Variants in PARM1 observed in about 807,000 individuals in gnomAD.
The protein encoded by PARM1 is prostate androgen-regulated mucin-like protein 1, also known as WSC4, cell wall integrity and stress response component 4 homolog.
Under a neutral mutation model 24.6 loss-of-function variants are expected in PARM1, and 14 were observed. That is an observed-to-expected ratio of 0.57 (90% confidence interval 0.38 to 0.89). The LOEUF (loss-of-function observed/expected upper bound fraction) is 0.89. Ranked by LOEUF, PARM1 falls within the 40% of genes least tolerant of loss-of-function variation. PARM1 has a pLI of 0.00. For synonymous variants in PARM1, 179 were observed against 156.6 expected (o/e 1.14, Z -1.07); for missense variants, 362 against 380.4 (o/e 0.95, Z 0.40).
chr4:75,036,765 A>C (rs1345124727), intron 3 of PARM1, among the ~76,000 whole-genome samples: 3 of 152,224 alleles, frequency 2.0e-5, no homozygotes, highest in Non-Finnish European at 2.9e-5. Flanking sequence ...CAGATAAATT[A>C]AGTAAATGAT....
chr4:74,980,563 A>G (rs1304707383), intron 1 of PARM1, among the ~76,000 whole-genome samples: 1 of 152,222 alleles, frequency 6.6e-6, no homozygotes, highest in Non-Finnish European at 1.5e-5. Flanking sequence ...ATTCAATGCT[A>G]TTCCCATTAA....
intron 2 of PARM1, among the ~76,000 whole-genome samples, chr4:75,025,705 TGCAAGTATTTTATTATCTCAACCAAGA>T: frequency 6.6e-6 from 1 of 152,192 alleles, no homozygotes; most frequent in South Asian, 2.1e-4. Flanking sequence ...CTTGCGCAAG[TGCAAGTATTTTATTATCTCAACCAAGA>T]TTAATATTTC....
Position 75,012,617 on chromosome 4 carries a change from A to G in PARM1, c.236A>G (p.Lys79Arg). 6.2e-7 allele frequency: 1 copy of G among 1,614,000 alleles called. No individual in the cohort carries two copies. Residue 79 changes from lysine to arginine, a missense_variant, in exon 2 of 4, where the codon AAG becomes AGG. By Grantham distance (26) the Lys-to-Arg change is conservative (BLOSUM62 2). Coordinates refer to ENST00000307428, the MANE Select transcript of PARM1 (RefSeq NM_015393.4). ...TCAGCCCCAACATCTCTGCTTCCTA[A>G]GAACATTTCCATAGAGTCCAGAGAA... ...TASAPTSLLP[K>R]NISIESREEE...
intron 1 of PARM1, among the ~76,000 whole-genome samples, chr4:74,940,658 C>A (rs1453609790): frequency 6.6e-6 from 1 of 152,108 alleles, no homozygotes; most frequent in Non-Finnish European, 1.5e-5. Context: ...AGCACAATCC[C>A]ACAGATAGAC....
At chr4:75,045,387 A>T (rs1023691239) in intron 3 of PARM1, among the ~76,000 whole-genome samples, 1 of 152,236 alleles carries the variant, frequency 6.6e-6, no homozygotes, top group Non-Finnish European at 1.5e-5. Flanking sequence ...TTTTGAACAG[A>T]GGAGTGATAA....
chr4:75,010,589 G>A (rs957781778), intron 1 of PARM1, among the ~76,000 whole-genome samples: 12 of 152,158 alleles, frequency 7.9e-5, no homozygotes, highest in African/African-American at 2.9e-4. Flanking sequence ...AATTAGTTAA[G>A]GCTTGTCTGG....
rs1258214263 is a variant in PARM1, at chr4:75,012,509, C to T, written c.128C>T (p.Thr43Ile). Residue 43 changes from threonine to isoleucine, a missense_variant, in exon 2 of 4, where the codon ACT becomes ATT. Thr to Ile is a moderately conservative substitution (Grantham distance 89, BLOSUM62 -1). Coordinates refer to ENST00000307428, the MANE Select transcript of PARM1 (RefSeq NM_015393.4). ...TNIVPPTTIW[T>I]SSPQNTDADT... ...ATTGTACCACCGACCACCATCTGGACTAGCTCTCCACAAAACACTGATGCA... is the reference window on the plus strand; with the variant it reads ...ATTGTACCACCGACCACCATCTGGATTAGCTCTCCACAAAACACTGATGCA... The T allele has an allele frequency of 6.2e-7, 1 of 1,613,862 alleles. No homozygotes were observed. The highest frequency in any genetic ancestry group is 8.5e-7 in the Non-Finnish European group (1 of 1,179,902).
chr4:75,019,854 T>C (rs1723055273), intron 2 of PARM1, among the ~76,000 whole-genome samples: 1 of 149,712 alleles, frequency 6.7e-6, no homozygotes, highest in Admixed American at 6.6e-5. Context: ...ATACAAAAAA[T>C]TAGCCGGGCG....
intron 3 of PARM1, among the ~76,000 whole-genome samples, chr4:75,038,003 A>T (rs907035524): frequency 4.6e-5 from 7 of 151,514 alleles, no homozygotes; most frequent in African/African-American, 1.7e-4. Context: ...TGCAACCTCC[A>T]CCTCCCGGGT....
rs1031798424 is a variant in PARM1 at position 75,046,273 on chromosome 4, A to T, written c.*26A>T. 3 of 1,423,698 alleles carry T rather than the reference A, an allele frequency of 2.1e-6. No homozygotes were observed. The highest frequency in any genetic ancestry group is 3.0e-6 in the Non-Finnish European group (3 of 1,007,446). 88.2% of individuals were successfully genotyped at this position (1,423,698 alleles called of 1,614,324 possible). A position where few individuals can be genotyped will look rare whatever the true frequency, so the allele number is the denominator to read the frequency against. On this transcript the variant is annotated 3_prime_UTR_variant, in exon 4 of 4. Transcript: ENST00000307428. ...CAATGGAATATGGCCTGGGATGAGG[A>T]TTAACTGTTCTTTATTTATAAGTGC...
At chr4:74,989,678 T>TGGGA in intron 1 of PARM1, among the ~76,000 whole-genome samples, 1 of 152,252 alleles carries the variant, frequency 6.6e-6, no homozygotes, top group Admixed American at 6.5e-5. Context: ...CTGTAGAAGT[T>TGGGA]TTAGAGTAGG....
intron 1 of PARM1, among the ~76,000 whole-genome samples, chr4:74,968,727 A>G (rs1346267921): frequency 6.6e-6 from 1 of 152,216 alleles, no homozygotes; most frequent in Non-Finnish European, 1.5e-5. Flanking sequence ...CATTCAGAAC[A>G]AATGAAAGAA....
intron 1 of PARM1, among the ~76,000 whole-genome samples, chr4:74,947,261 A>T (rs1348477329): frequency 1.3e-5 from 2 of 152,206 alleles, no homozygotes; most frequent in Non-Finnish European, 2.9e-5. Context: ...GGACTGGGGA[A>T]GATGTTAAAT....
chr4:74,986,373 T>C (rs1487286036), intron 1 of PARM1, among the ~76,000 whole-genome samples: 1 of 152,224 alleles, frequency 6.6e-6, no homozygotes, highest in Admixed American at 6.5e-5. Context: ...TATTACAAAT[T>C]GCAACTCACA....
intron 2 of PARM1, among the ~76,000 whole-genome samples, chr4:75,031,518 CACTT>C (rs1417587516): frequency 6.7e-6 from 1 of 150,038 alleles, no homozygotes; most frequent in Non-Finnish European, 1.5e-5. Flanking sequence ...GTCACTCTAT[CACTT>C]ACAATAAAAA....
At chr4:74,942,674 C>T (rs915582489) in intron 1 of PARM1, among the ~76,000 whole-genome samples, 6 of 152,222 alleles carry the variant, frequency 3.9e-5, no homozygotes, top group African/African-American at 1.2e-4. Flanking sequence ...AATCCAACCA[C>T]GTTTTGCCAC....
rs144256140 is a variant in PARM1, at chr4:75,019,416, C to T, written c.769+6266C>T. Among the ~76,000 whole-genome samples, 190 of 152,310 alleles carry T rather than the reference C, an allele frequency of 1.2e-3. 3 individuals carry two copies. Among genetic ancestry groups the T allele is most frequent in the Non-Finnish European group, 3.8e-4 (26 of 68,026 alleles). ...TCTTTTGTCTGTAAAATCCACATGT[C>T]CACTGGTCTTTCACTATCCTATTAT... is the stretch of plus-strand genomic sequence containing the variant. On this transcript the variant is annotated intron_variant, in intron 2 of 3. Coordinates refer to ENST00000307428, the MANE Select transcript of PARM1 (RefSeq NM_015393.4).
At chr4:75,040,707 G>A (rs551982284) in intron 3 of PARM1, among the ~76,000 whole-genome samples, 6 of 152,188 alleles carry the variant, frequency 3.9e-5, no homozygotes, top group Admixed American at 6.5e-5. Flanking sequence ...AAGGGTATAC[G>A]GGAAATCTTT....
At chr4:75,010,747 G>A (rs190979551) in intron 1 of PARM1, among the ~76,000 whole-genome samples, 1 of 152,304 alleles carries the variant, frequency 6.6e-6, no homozygotes, top group African/African-American at 2.4e-5. Flanking sequence ...CTGATTTACT[G>A]CTATAAAAGA....
Sources: allele counts gnomAD v4.1 joint callset (sites outside exome capture counted in the v4.1 genomes callset), GRCh38; gene constraint gnomAD v4.1.1; transcripts MANE v1.5; gene names NCBI Gene and HGNC (gene_info 2026-07-23, HGNC 2026-07-21).